The following FRMPD4 variants were observed in gnomAD, a reference collection of about 807,000 sequenced individuals.
FRMPD4 encodes the protein FERM and PDZ domain containing 4.
Under a neutral mutation model 94.1 loss-of-function variants are expected in FRMPD4, and 22 were observed. That is an observed-to-expected ratio of 0.23 (90% CI 0.17 to 0.33). The LOEUF (loss-of-function observed/expected upper bound fraction) is 0.33, where lower values mean the gene tolerates loss of function less well. Ranked by LOEUF, FRMPD4 falls within the 10% of genes least tolerant of loss-of-function variation. The pLI is 1.00. For synonymous variants in FRMPD4, 631 were observed against 548.6 expected (o/e 1.15, Z -2.10); for missense variants, 1,111 against 1,339.9 (o/e 0.83, Z 2.67).
At chrX:12,542,124 C>A (rs1321245329) in intron 2 of FRMPD4, among the ~76,000 whole-genome samples, 1 of 112,021 alleles carries the variant, frequency 8.9e-6, no homozygotes, top group Non-Finnish European at 1.9e-5. Context: ...AAACCCACAG[C>A]CAATATCATA....
rs141670758 is a variant in FRMPD4, at chrX:12,676,004, A to G, written c.468+1096A>G. On this transcript the variant is annotated intron_variant, in intron 5 of 16. Transcript: ENST00000675598. ...ACAAATAGAACTAACCAAGACAACA[A>G]ATTATGCCATCTTACTATGCATATT... is the stretch of plus-strand genomic sequence containing the variant. 4.7e-4 allele frequency among the ~76,000 whole-genome samples: 53 copies of G among 112,157 alleles called. 3 individuals carry two copies. The East Asian group carries it at 0.012, about 26-fold the overall frequency.
At chrX:12,428,507 C>T (rs1032285871) in intron 1 of FRMPD4, among the ~76,000 whole-genome samples, 2 of 111,124 alleles carry the variant, frequency 1.8e-5, no homozygotes, top group African/African-American at 6.6e-5. Flanking sequence ...TTTAGGCTCA[C>T]TTGGAAGCTC....
At chrX:11,929,283 C>G (rs1352376939) in intron 3 of FRMPD4, among the ~76,000 whole-genome samples, 1 of 112,003 alleles carries the variant, frequency 8.9e-6, no homozygotes, top group African/African-American at 3.2e-5. Context: ...TGAGTGGAGA[C>G]AAACATACAA....
At chrX:11,836,476 A>G (rs2053502027) in intron 1 of FRMPD4, among the ~76,000 whole-genome samples, 1 of 111,581 alleles carries the variant, frequency 9.0e-6, no homozygotes, top group African/African-American at 3.3e-5. Context: ...CATTTAAACA[A>G]CTCTGTGAGG....
intron 2 of FRMPD4, among the ~76,000 whole-genome samples, chrX:12,598,526 T>C (rs1173835982): frequency 1.8e-5 from 2 of 112,030 alleles, no homozygotes; most frequent in African/African-American, 6.5e-5. Flanking sequence ...GGATCCCATG[T>C]GATGCAATCA....
At chrX:12,497,737 A>C (rs960299559) in intron 1 of FRMPD4, among the ~76,000 whole-genome samples, 1 of 111,641 alleles carries the variant, frequency 9.0e-6, no homozygotes, top group South Asian at 3.8e-4. Flanking sequence ...TATGCAAAAT[A>C]GTTCATCTGC....
intron 1 of FRMPD4, among the ~76,000 whole-genome samples, chrX:11,844,528 T>C (rs1175949975): frequency 9.0e-6 from 1 of 111,407 alleles, no homozygotes; most frequent in Non-Finnish European, 1.9e-5. Context: ...TCTCCTATTG[T>C]TTCTGTGTCT....
intron 9 of FRMPD4, among the ~76,000 whole-genome samples, chrX:12,694,931 T>C (rs1416588445): frequency 8.9e-6 from 1 of 112,374 alleles, no homozygotes; most frequent in East Asian, 2.7e-4. Flanking sequence ...ATTTCCATTA[T>C]CTCATCTACA....
At chrX:12,694,597 C>A in intron 9 of FRMPD4, 143 bp downstream of exon 9, 1 of 456,823 alleles carries the variant, frequency 2.2e-6, no homozygotes, top group Non-Finnish European at 3.7e-6. Context: ...TTCTATGATG[C>A]TCTTTTTATT....
rs2042124658 is a variant in FRMPD4, at chrX:12,717,835, G to C, written c.3009G>C (p.Glu1003Asp). 8.3e-7 allele frequency: 1 copy of C among 1,208,957 alleles called. No individual in the cohort carries two copies. Among genetic ancestry groups the C allele is most frequent in the African/African-American group, 1.7e-5 (1 of 57,358 alleles). Residue 1003 changes from glutamate to aspartate, a missense_variant, in exon 16 of 17, where the codon GAG (glutamate) becomes GAC (aspartate). By Grantham distance (45) the Glu-to-Asp change is conservative (BLOSUM62 2). This residue lies in a region of FRMPD4 where 551 missense variants were observed against 591.6 expected (regional missense o/e 0.93). Transcript: ENST00000675598. ...TGGAGATGGAGCCTGAAACTATGGA[G>C]ACTAAGTCGGTCACTGACTATTTTA... Reference protein sequence around the residue: ...DHMEMEPETMETKSVTDYFSK... With the variant: ...DHMEMEPETMDTKSVTDYFSK...
intron 10 of FRMPD4, 142 bp downstream of exon 10, chrX:12,702,152 C>T (rs1723889030): frequency 3.7e-6 from 2 of 534,876 alleles, no homozygotes; most frequent in Admixed American, 6.0e-5. Flanking sequence ...GAATATCATG[C>T]TCATTTCTGG....
At position 12,011,986 on chromosome X, in the gene FRMPD4, C is replaced by T. The variant is rs569354910; in HGVS notation, c.95+133968C>T. 7.3e-5 allele frequency among the ~76,000 whole-genome samples: 8 copies of T among 109,152 alleles called. 1 individual carries two copies. Among genetic ancestry groups the T allele is most frequent in the Admixed American group, 4.9e-4 (5 of 10,239 alleles). The allele number at this position is 109,152 out of a possible 115,157, so 94.8% of individuals were successfully genotyped here. A position where few individuals can be genotyped will look rare whatever the true frequency, so the allele number is the denominator to read the frequency against. On this transcript the variant is annotated intron_variant, in intron 3 of 18. Transcript: ENST00000640291. ...CGCGATCTCAACTCACTGCAACCTC[C>T]GCCTCCCAGGTTCAAGTGATTCTCC... is the stretch of plus-strand genomic sequence containing the variant.
chrX:12,586,235 C>T (rs1052498438), intron 2 of FRMPD4, among the ~76,000 whole-genome samples: 2 of 112,839 alleles, frequency 1.8e-5, no homozygotes, highest in African/African-American at 3.2e-5. Context: ...AGAGCTAAAA[C>T]GCACATGGAA....
intron 2 of FRMPD4, among the ~76,000 whole-genome samples, chrX:12,562,758 C>A (rs1037010502): frequency 2.7e-5 from 3 of 112,257 alleles, no homozygotes; most frequent in Non-Finnish European, 5.6e-5. Flanking sequence ...TAGGCAGAGA[C>A]AAATCTTAGT....
intron 2 of FRMPD4, chrX:12,583,508 G>A (rs753097335): frequency 7.5e-5 from 85 of 1,126,787 alleles, no homozygotes; most frequent in Non-Finnish European, 9.9e-5. Flanking sequence ...ATATTTCTAC[G>A]TGCCGGGAGC....
Position 12,682,799 on chromosome X carries a change from G to A in FRMPD4, c.469-684G>A, listed in dbSNP as rs184544446. On this transcript the variant is annotated intron_variant, in intron 5 of 16. Transcript: ENST00000675598. ...CCCCTCTTTCTGATAAAAGAAAGGAGAGAATCATAAAGCACAAAGAGCCCA... is the reference window on the plus strand; with the variant it reads ...CCCCTCTTTCTGATAAAAGAAAGGAAAGAATCATAAAGCACAAAGAGCCCA... Among the ~76,000 whole-genome samples, 844 of 111,876 alleles carry A rather than the reference G, an allele frequency of 7.5e-3. 9 individuals are homozygous for A. The highest frequency in any genetic ancestry group is 0.026 in the African/African-American group (803 of 30,818).
chrX:12,017,791 A>G (rs2054611834), intron 3 of FRMPD4, among the ~76,000 whole-genome samples: 1 of 111,835 alleles, frequency 8.9e-6, no homozygotes, highest in Admixed American at 9.5e-5. Flanking sequence ...AGCAGTATAC[A>G]TTCACAGCAC....
intron 3 of FRMPD4, among the ~76,000 whole-genome samples, chrX:11,885,855 G>A (rs1242665672): frequency 9.0e-6 from 1 of 111,588 alleles, no homozygotes; most frequent in Non-Finnish European, 1.9e-5. Flanking sequence ...GCCCAAAAAG[G>A]GAATCTTAGC....
At chrX:12,241,956 A>G (rs750506399) in intron 1 of FRMPD4, among the ~76,000 whole-genome samples, 1 of 40,820 alleles carries the variant, frequency 2.4e-5, no homozygotes, top group Non-Finnish European at 6.6e-5. Context: ...GAAGGGGAGG[A>G]GGAGGAGGAG....
Sources: gnomAD v4.1 joint callset for allele counts (sites outside exome capture counted in the v4.1 genomes callset) on GRCh38, gnomAD v4.1.1 for gene constraint, gnomAD v4.1.1 regional missense constraint, MANE v1.5 for transcripts, NCBI Gene and HGNC (gene_info 2026-07-23, HGNC 2026-07-21) for gene names.